NKAIN3: variants seen among roughly 807,000 people sequenced by gnomAD.
NKAIN3 encodes the protein sodium/potassium-transporting ATPase subunit beta-1-interacting protein 3.
NKAIN3 carries 25 observed loss-of-function variants against 30.2 expected under a neutral mutation model. That is an observed-to-expected ratio of 0.83 (90% confidence interval 0.60 to 1.16). The LOEUF (loss-of-function observed/expected upper bound fraction) is 1.16, where lower values mean the gene tolerates loss of function less well. Among genes scored for constraint, NKAIN3 ranks in the 50% most tolerant of loss-of-function variants. NKAIN3 has a pLI of 0.00. For missense variants in NKAIN3, 225 were observed against 254.1 expected (o/e 0.89, Z 0.78); for synonymous variants, 91 against 89.6 (o/e 1.02, Z -0.09).
intron 1 of NKAIN3, among the ~76,000 whole-genome samples, chr8:62,457,409 CAG>C (rs747237521): frequency 2.2e-4 from 34 of 152,188 alleles, no homozygotes; most frequent in Non-Finnish European, 5.0e-4. Context: ...GTAGTGTTCA[CAG>C]AGAGATGAGA....
At chr8:62,556,749 CTTATA>C (rs1322807569) in intron 1 of NKAIN3, among the ~76,000 whole-genome samples, 1 of 151,602 alleles carries the variant, frequency 6.6e-6, no homozygotes, top group African/African-American at 2.4e-5. Context: ...CCATTTTGAA[CTTATA>C]TTAATCTAAA....
At chr8:62,904,564 C>A (rs138458569) in intron 4 of NKAIN3, among the ~76,000 whole-genome samples, 212 of 152,292 alleles carry the variant, frequency 1.4e-3, no homozygotes, top group African/African-American at 4.9e-3. Context: ...CTGATGCACA[C>A]AAGCAGAGCT....
chr8:62,858,357 G>A (rs1369112526), intron 4 of NKAIN3, among the ~76,000 whole-genome samples: 1 of 152,078 alleles, frequency 6.6e-6, no homozygotes, highest in Non-Finnish European at 1.5e-5. Flanking sequence ...GCTTAAAGAA[G>A]CAGTCTGGCT....
intron 1 of NKAIN3, among the ~76,000 whole-genome samples, chr8:62,475,760 G>A (rs1372408578): frequency 6.6e-6 from 1 of 152,150 alleles, no homozygotes; most frequent in East Asian, 1.9e-4. Context: ...GTGTGATGCA[G>A]CCTAGGGGCC....
At chr8:62,333,465 G>A (rs1035440963) in intron 1 of NKAIN3, among the ~76,000 whole-genome samples, 2 of 152,006 alleles carry the variant, frequency 1.3e-5, no homozygotes, top group Admixed American at 6.6e-5. Context: ...GTGTACCAGG[G>A]GCTACTTAAG....
intron 3 of NKAIN3, among the ~76,000 whole-genome samples, chr8:62,669,218 T>G (rs1813223278): frequency 6.6e-6 from 1 of 152,218 alleles, no homozygotes; most frequent in Non-Finnish European, 1.5e-5. Flanking sequence ...CAGTGGACAA[T>G]TCCTGCTTTA....
At chr8:62,901,832 T>C (rs1162762688) in intron 4 of NKAIN3, among the ~76,000 whole-genome samples, 1 of 152,228 alleles carries the variant, frequency 6.6e-6, no homozygotes, top group Admixed American at 6.5e-5. Context: ...TGTGGCTTTA[T>C]CTGCATCGAG....
At chr8:62,721,378 CT>C (rs1383051171) in intron 3 of NKAIN3, among the ~76,000 whole-genome samples, 32 of 152,162 alleles carry the variant, frequency 2.1e-4, no homozygotes, top group Admixed American at 2.1e-3. Flanking sequence ...AATTAAACTC[CT>C]CAAGGATATA....
chr8:62,651,501 A>G (rs759163068), intron 3 of NKAIN3, among the ~76,000 whole-genome samples: 70 of 152,204 alleles, frequency 4.6e-4, no homozygotes, highest in Non-Finnish European at 9.0e-4. Context: ...CAGAAACTGC[A>G]TGGCATATAA....
At chr8:62,291,599 A>G (rs866694410) in intron 1 of NKAIN3, among the ~76,000 whole-genome samples, 4 of 152,206 alleles carry the variant, frequency 2.6e-5, no homozygotes, top group Non-Finnish European at 1.5e-5. Context: ...GTGGTCTGAG[A>G]GACAGTTTGT....
chr8:62,543,859 TTA>T (rs1175888101), intron 1 of NKAIN3, among the ~76,000 whole-genome samples: 1 of 152,168 alleles, frequency 6.6e-6, no homozygotes, highest in Non-Finnish European at 1.5e-5. Flanking sequence ...GGTTGTTATA[TTA>T]TGTCTTATTT....
At chr8:62,463,170 A>G (rs184638131) in intron 1 of NKAIN3, among the ~76,000 whole-genome samples, 35 of 152,344 alleles carry the variant, frequency 2.3e-4, no homozygotes, top group Admixed American at 5.2e-4. Flanking sequence ...ACTCACAGCT[A>G]ATAAATGTTT....
chr8:62,506,238 G>GT (rs3059054), intron 1 of NKAIN3, among the ~76,000 whole-genome samples: 1 of 137,746 alleles, frequency 7.3e-6, no homozygotes, highest in South Asian at 2.7e-4. Flanking sequence ...TGGGGGGGGG[G>GT]ACATTATTTC....
At chr8:62,433,729 A>C (rs1174281341) in intron 1 of NKAIN3, among the ~76,000 whole-genome samples, 3 of 152,154 alleles carry the variant, frequency 2.0e-5, no homozygotes, top group Admixed American at 2.0e-4. Flanking sequence ...TAATAATTTA[A>C]ATTTTATTTG....
chr8:62,718,971 A>C (rs942802940), intron 3 of NKAIN3, among the ~76,000 whole-genome samples: 1 of 152,216 alleles, frequency 6.6e-6, no homozygotes, highest in African/African-American at 2.4e-5. Context: ...AGATGATTTC[A>C]TGCTAGCTCT....
intron 3 of NKAIN3, among the ~76,000 whole-genome samples, chr8:62,698,779 T>C (rs955678672): frequency 6.6e-6 from 1 of 152,200 alleles, no homozygotes; most frequent in African/African-American, 2.4e-5. Context: ...TATTTCTTTA[T>C]TTAAGAAATA....
chr8:62,416,532 G>A lies in NKAIN3; in HGVS notation c.55-163007G>A, dbSNP rs1804448869. Among the ~76,000 whole-genome samples, 3 of 152,198 alleles carry A rather than the reference G, an allele frequency of 2.0e-5. No homozygotes were observed. The South Asian group carries it at 6.2e-4, about 32-fold the overall frequency. On this transcript the variant is annotated intron_variant, in intron 1 of 6. Transcript: ENST00000623646. ...TTGAATTTTGAATTTTAATTTTTGT[G>A]GGTACATAGTAGGTATACATATTTA...
rs998411831 is a variant in NKAIN3, at chr8:62,943,232, A to G, written c.533-10670A>G. 3.4e-4 allele frequency among the ~76,000 whole-genome samples: 52 copies of G among 152,292 alleles called. 1 individual carries two copies. The highest frequency in any genetic ancestry group is 2.2e-3 in the Admixed American group (33 of 15,270). ...ATCCCATCAGAAAGTGACCTAAGAC[A>G]TGAATAGGCAATTCTAAAAAGAAGA... On this transcript the variant is annotated intron_variant, in intron 5 of 6. Transcript: ENST00000623646.
chr8:62,564,822 T>C (rs963036001), intron 1 of NKAIN3, among the ~76,000 whole-genome samples: 1 of 152,072 alleles, frequency 6.6e-6, no homozygotes, highest in Non-Finnish European at 1.5e-5. Context: ...ACGGAGAAAA[T>C]CTGTTTTTAA....
Sources: allele counts gnomAD v4.1 joint callset (sites outside exome capture counted in the v4.1 genomes callset), GRCh38; gene constraint gnomAD v4.1.1; transcripts MANE v1.5; gene names NCBI Gene and HGNC (gene_info 2026-07-23, HGNC 2026-07-21).